Variants in NUP133 observed in about 807,000 individuals in gnomAD.
The protein encoded by NUP133 is nuclear pore complex protein Nup133.
NUP133 carries 66 observed loss-of-function variants against 146.2 expected under a neutral mutation model. The ratio of observed to expected loss-of-function variants is 0.45; its 90% CI spans 0.37 to 0.55. The LOEUF (loss-of-function observed/expected upper bound fraction) is 0.55. Among genes scored for constraint, NUP133 ranks in the 20% least tolerant of loss-of-function variants. The probability of loss-of-function intolerance (pLI) is 0.00; values close to 1 mark genes in which losing one functional copy is unlikely to be tolerated. For missense variants in NUP133, 1,277 were observed against 1,374.8 expected (o/e 0.93, Z 1.12); for synonymous variants, 521 against 498.8 (o/e 1.04, Z -0.59).
At chr1:229,502,558 CAAAAAAAAAA>C (rs58520087) in intron 2 of NUP133, among the ~76,000 whole-genome samples, 4 of 43,096 alleles carry the variant, frequency 9.3e-5, no homozygotes, top group South Asian at 1.1e-3. Flanking sequence ...GACTCCATCT[CAAAAAAAAAA>C]AAAAAAAAAA....
Position 229,452,525 on chromosome 1 carries a change from A to G in NUP133, c.3099T>C (p.Gly1033=). 6.2e-7 allele frequency: 1 copy of G among 1,608,548 alleles called. No individual in the cohort carries two copies. The highest frequency in any genetic ancestry group is 8.5e-7 in the Non-Finnish European group (1 of 1,176,148). The change falls in exon 22 of 26, where the codon GGT becomes GGC. Residue 1033 remains glycine, a splice_region_variant and synonymous_variant. Coordinates refer to ENST00000261396, the MANE Select transcript of NUP133 (RefSeq NM_018230.3). Reference sequence around the variant, plus strand: ...CGTTAAGGATTTGAAAAGCACATACACCAATGAGTTGTGGTGCAGTCAATA... The same window carrying G: ...CGTTAAGGATTTGAAAAGCACATACGCCAATGAGTTGTGGTGCAGTCAATA... ...MPVLTAPQLI[G]LYICEENRRA... is the part of the protein sequence containing the mutation.
intron 16 of NUP133, 143 bp downstream of exon 16, chr1:229,466,491 C>T (rs1660830742): frequency 1.4e-6 from 1 of 720,634 alleles, no homozygotes; most frequent in Admixed American, 2.8e-5. Context: ...AATAAAATGA[C>T]ATTTTTCTAA....
intron 12 of NUP133, among the ~76,000 whole-genome samples, chr1:229,483,363 A>T (rs1661263301): frequency 6.6e-6 from 1 of 152,164 alleles, no homozygotes; most frequent in Non-Finnish European, 1.5e-5. Context: ...AGCCTCCCAA[A>T]GTGCTGGAAT....
At chr1:229,442,731 T>C (rs971868934) in intron 25 of NUP133, among the ~76,000 whole-genome samples, 5 of 140,850 alleles carry the variant, frequency 3.5e-5, no homozygotes, top group African/African-American at 1.4e-4. Context: ...TTTTTTTTTT[T>C]CAGGCGGAGT....
intron 3 of NUP133, among the ~76,000 whole-genome samples, 194 bp downstream of exon 3, chr1:229,501,805 G>A (rs1055252958): frequency 6.6e-6 from 1 of 152,070 alleles, no homozygotes; most frequent in Admixed American, 6.5e-5. Flanking sequence ...TCTTCAAAAG[G>A]GGGAAACTTT....
chr1:229,494,754 T>A (rs184496863), intron 8 of NUP133, among the ~76,000 whole-genome samples: 1 of 152,262 alleles, frequency 6.6e-6, no homozygotes, highest in Admixed American at 6.5e-5. Flanking sequence ...CCTTATCCCA[T>A]CCTTAACTCA....
chr1:229,465,349 A>T, intron 17 of NUP133, 71 bp downstream of exon 17: 1 of 1,232,340 alleles, frequency 8.1e-7, no homozygotes, highest in Non-Finnish European at 1.2e-6. Context: ...CTAGGGGAAT[A>T]ACACAACTTC....
intron 12 of NUP133, among the ~76,000 whole-genome samples, chr1:229,480,686 T>C (rs1197892713): frequency 1.3e-5 from 2 of 152,118 alleles, no homozygotes; most frequent in Non-Finnish European, 2.9e-5. Flanking sequence ...TAATGGCATC[T>C]AGCAGGAAGT....
chr1:229,495,444 T>C, intron 8 of NUP133, 51 bp downstream of exon 8: 1 of 1,275,276 alleles, frequency 7.8e-7, no homozygotes, highest in Non-Finnish European at 1.1e-6. Context: ...AACATCAACT[T>C]ATTTTTTCCA....
intron 7 of NUP133, 53 bp from the exon 8 acceptor site, chr1:229,495,618 T>C: frequency 7.5e-7 from 1 of 1,326,546 alleles, no homozygotes. Context: ...ATGATTTATT[T>C]TCACCTTTAT....
chr1:229,450,464 A>C, intron 23 of NUP133, 61 bp downstream of exon 23: 13 of 788,710 alleles, frequency 1.6e-5, no homozygotes, highest in Non-Finnish European at 2.1e-5. Flanking sequence ...TAAAAGAGGG[A>C]TCTCCCTCTT....
At chr1:229,446,066 A>G (rs1210038062) in intron 24 of NUP133, among the ~76,000 whole-genome samples, 1 of 152,140 alleles carries the variant, frequency 6.6e-6, no homozygotes, top group African/African-American at 2.4e-5. Flanking sequence ...CATAAACACC[A>G]TTTCCATAGG....
At chr1:229,444,641 G>T (rs570796369) in intron 25 of NUP133, among the ~76,000 whole-genome samples, 1 of 151,666 alleles carries the variant, frequency 6.6e-6, no homozygotes, top group Admixed American at 6.6e-5. Flanking sequence ...GAGGTCAGGA[G>T]TTCGAGACCA....
In NUP133 at chr1:229,466,742, A is replaced by T; in HGVS notation, c.2091T>A (p.Asp697Glu). 6.2e-7 allele frequency: 1 copy of T among 1,614,052 alleles called. No homozygotes were observed. Among genetic ancestry groups the T allele is most frequent in the Non-Finnish European group, 8.5e-7 (1 of 1,179,948 alleles). ...GCTCCAGTAAGCACTCACAGATGGT[A>T]TCTACTTGGGATACCTGAGAGAATA... Reference protein sequence around the residue: ...DVFFREVSQVDTICECLLEHE... With the variant: ...DVFFREVSQVETICECLLEHE... The change falls in exon 16 of 26, where the codon GAT becomes GAA. Residue 697 changes from aspartate (D) to glutamate (E), a missense_variant. By Grantham distance (45) the Asp-to-Glu change is conservative (BLOSUM62 2). Coordinates refer to ENST00000261396, the MANE Select transcript of NUP133 (RefSeq NM_018230.3).
chr1:229,449,766 T>C (rs116752238), intron 23 of NUP133, among the ~76,000 whole-genome samples: 136 of 149,438 alleles, frequency 9.1e-4, no homozygotes, highest in African/African-American at 3.1e-3. Context: ...CGACAGGTAA[T>C]AGAACTACTT....
chr1:229,487,495 G>C lies in NUP133; in HGVS notation c.1313C>G (p.Pro438Arg), dbSNP rs202172818. The C allele has an allele frequency of 3.2e-5, 51 of 1,613,296 alleles. 1 individual carries two copies. The East Asian group carries it at 1.0e-3, about 32-fold the overall frequency. Residue 438 changes from proline (P) to arginine (R), a missense_variant, in exon 10 of 26, where the codon CCC becomes CGC. Physicochemically the swap from Pro to Arg is moderately radical, Grantham distance 103. Coordinates refer to ENST00000261396, the MANE Select transcript of NUP133 (RefSeq NM_018230.3). ...TGCATTAAAGACAATTTTCTCCTGG[G>C]GAAGAGAAAATTTCCCAGTTCCTGT... is the stretch of plus-strand genomic sequence containing the variant. Reference protein sequence around the residue: ...CSTGTGKFSLPQEKIVFNAQG... With the variant: ...CSTGTGKFSLRQEKIVFNAQG...
intron 4 of NUP133, 86 bp downstream of exon 4, chr1:229,500,670 T>G: frequency 1.3e-6 from 1 of 746,014 alleles, no homozygotes; most frequent in Non-Finnish European, 2.2e-6. Flanking sequence ...TATAGTTATA[T>G]CTCAAAATCA....
At position 229,465,386 on chromosome 1, in the gene NUP133, A is replaced by G. The variant is rs1479662002; in HGVS notation, c.2299+34T>C. 3.4e-6 allele frequency: 5 copies of G among 1,477,950 alleles called. No individual in the cohort carries two copies. The Admixed American group carries it at 5.2e-5, about 15-fold the overall frequency. 91.6% of individuals were successfully genotyped at this position (1,477,950 alleles called of 1,614,324 possible). On this transcript the variant is annotated intron_variant, in intron 17 of 25. Coordinates refer to ENST00000261396, the MANE Select transcript of NUP133 (RefSeq NM_018230.3). ...AAAAATGATGGGTCATTAGAAATAT[A>G]TTTTGAACAACTGTTAATAAATCAG...
At chr1:229,488,509 C>A (rs1661418822) in intron 9 of NUP133, among the ~76,000 whole-genome samples, 1 of 152,104 alleles carries the variant, frequency 6.6e-6, no homozygotes, top group Admixed American at 6.6e-5. Flanking sequence ...TCCTCAAATT[C>A]TCTTTATAGT....
Sources: gnomAD v4.1 joint callset for allele counts (sites outside exome capture counted in the v4.1 genomes callset) on GRCh38, gnomAD v4.1.1 for gene constraint, MANE v1.5 for transcripts, NCBI Gene and HGNC (gene_info 2026-07-23, HGNC 2026-07-21) for gene names.